RBMS3: variants seen among roughly 807,000 people sequenced by gnomAD.
The protein encoded by RBMS3 is RNA binding motif single stranded interacting protein 3.
A neutral mutation model predicts 66.8 loss-of-function variants in RBMS3; 27 were observed. The observed-to-expected ratio is 0.40, with a 90% CI of 0.30 to 0.56. The LOEUF is 0.56. Ranked by LOEUF, RBMS3 falls within the 20% of genes least tolerant of loss-of-function variation. RBMS3 has a pLI of 0.40. For synonymous variants in RBMS3, 188 were observed against 183.0 expected (o/e 1.03, Z -0.22); for missense variants, 513 against 549.5 (o/e 0.93, Z 0.66).
chr3:29,497,177 T>C (rs1177619873), intron 3 of RBMS3, among the ~76,000 whole-genome samples: 1 of 151,998 alleles, frequency 6.6e-6, no homozygotes, highest in Non-Finnish European at 1.5e-5. Flanking sequence ...GCCTGGCTAA[T>C]TTTTTGTATT....
intron 14 of RBMS3, among the ~76,000 whole-genome samples, chr3:30,003,270 T>TAAAC (rs1208377998): frequency 1.3e-5 from 2 of 152,024 alleles, no homozygotes; most frequent in African/African-American, 2.4e-5. Flanking sequence ...TTTTTCTAGT[T>TAAAC]AAACACCTAT....
intron 14 of RBMS3, among the ~76,000 whole-genome samples, chr3:30,002,659 T>TAAAA (rs1400822169): frequency 6.6e-6 from 1 of 152,074 alleles, no homozygotes; most frequent in African/African-American, 2.4e-5. Flanking sequence ...AACCTATTGA[T>TAAAA]AAAAATTGAA....
At chr3:29,709,320 C>T (rs2053052021) in intron 4 of RBMS3, among the ~76,000 whole-genome samples, 1 of 152,098 alleles carries the variant, frequency 6.6e-6, no homozygotes, top group African/African-American at 2.4e-5. Flanking sequence ...GTTAGCAATG[C>T]CAGCAACTTC....
chr3:29,561,734 AGCCACCATGCCTG>A (rs1450191894), intron 3 of RBMS3, among the ~76,000 whole-genome samples: 4 of 152,142 alleles, frequency 2.6e-5, no homozygotes, highest in Non-Finnish European at 5.9e-5. Flanking sequence ...TACAGGCATG[AGCCACCATGCCTG>A]GCCCTTGACT....
chr3:29,854,222 G>A (rs368933108), intron 6 of RBMS3, among the ~76,000 whole-genome samples: 25 of 152,254 alleles, frequency 1.6e-4, no homozygotes, highest in African/African-American at 5.8e-4. Context: ...CACTGAGGTC[G>A]GCCTCCACCC....
At chr3:29,967,875 C>T (rs965917832) in intron 12 of RBMS3, among the ~76,000 whole-genome samples, 5 of 152,218 alleles carry the variant, frequency 3.3e-5, no homozygotes, top group African/African-American at 1.2e-4. Flanking sequence ...GTTAATCTTA[C>T]TAATGTCCTG....
chr3:29,841,459 C>T (rs891606508), intron 6 of RBMS3, among the ~76,000 whole-genome samples: 10 of 151,918 alleles, frequency 6.6e-5, no homozygotes, highest in East Asian at 1.9e-4. Flanking sequence ...GTTCAGAATA[C>T]GATTTGTTTC....
chr3:29,974,416 G>A (rs1228853891), intron 12 of RBMS3, among the ~76,000 whole-genome samples: 1 of 151,614 alleles, frequency 6.6e-6, no homozygotes, highest in East Asian at 1.9e-4. Context: ...ATTATTTTTT[G>A]TTTTCTGTCA....
intron 8 of RBMS3, among the ~76,000 whole-genome samples, chr3:29,892,708 C>A (rs2060029982): frequency 6.6e-6 from 1 of 151,210 alleles, no homozygotes; most frequent in Admixed American, 6.6e-5. Context: ...GCATATATTA[C>A]CAAATACAAA....
intron 2 of RBMS3, among the ~76,000 whole-genome samples, chr3:29,454,960 G>C (rs550158060): frequency 2.0e-5 from 3 of 152,002 alleles, no homozygotes; most frequent in Non-Finnish European, 4.4e-5. Flanking sequence ...GCATTTCAAC[G>C]TCAAAATAGC....
intron 14 of RBMS3, among the ~76,000 whole-genome samples, chr3:30,002,983 A>C (rs1188261185): frequency 6.6e-6 from 1 of 152,022 alleles, no homozygotes; most frequent in Non-Finnish European, 1.5e-5. Context: ...TTACTAAATT[A>C]AGCAACTGTG....
At chr3:29,884,091 G>T (rs911437136) in intron 7 of RBMS3, 71 bp from the exon 8 acceptor site, 2 of 1,269,694 alleles carry the variant, frequency 1.6e-6, no homozygotes, top group African/African-American at 3.0e-5. Context: ...GTCTTTGTGT[G>T]TACTAAATGT....
intron 3 of RBMS3, among the ~76,000 whole-genome samples, chr3:29,545,040 C>T (rs757830595): frequency 2.6e-5 from 4 of 152,046 alleles, no homozygotes; most frequent in Non-Finnish European, 5.9e-5. Context: ...AAGATATTAT[C>T]TGTAAGGACA....
At chr3:29,945,789 G>A (rs979093349) in intron 12 of RBMS3, among the ~76,000 whole-genome samples, 1 of 151,668 alleles carries the variant, frequency 6.6e-6, no homozygotes, top group African/African-American at 2.4e-5. Context: ...CAGAAGATCT[G>A]GCTGACAATC....
At chr3:29,776,679 T>C (rs1393820675) in intron 6 of RBMS3, among the ~76,000 whole-genome samples, 1 of 152,010 alleles carries the variant, frequency 6.6e-6, no homozygotes, top group East Asian at 1.9e-4. Context: ...ATGAGAATTA[T>C]TTCATCAACA....
At chr3:29,652,198 G>C (rs1022081967) in intron 4 of RBMS3, among the ~76,000 whole-genome samples, 3 of 152,026 alleles carry the variant, frequency 2.0e-5, no homozygotes, top group Non-Finnish European at 4.4e-5. Flanking sequence ...AATGTACAGA[G>C]ATTAATGTGG....
intron 2 of RBMS3, among the ~76,000 whole-genome samples, chr3:29,476,262 G>C (rs1321410624): frequency 6.6e-6 from 1 of 152,162 alleles, no homozygotes; most frequent in East Asian, 1.9e-4. Flanking sequence ...TTAAAAGATT[G>C]TGCATGACCC....
chr3:29,434,826 C>A lies in RBMS3; in HGVS notation c.159C>A (p.Ser53Arg). 6.2e-7 allele frequency: 1 copy of A among 1,614,140 alleles called. No individual in the cohort carries two copies. ...GCAGCAACAACAGCAGCAACAACAG[C>A]AGCGGGGAACAGTTGAGTAAAACCA... ...NSSSNNSSNN[S>R]SGEQLSKTNL... The change falls in exon 2 of 15, where the codon AGC becomes AGA. Residue 53 changes from serine (S) to arginine (R), a missense_variant. Coordinates refer to ENST00000383767, the MANE Select transcript of RBMS3 (RefSeq NM_001003793.3).
At chr3:29,702,334 A>G (rs9811367) in intron 4 of RBMS3, among the ~76,000 whole-genome samples, 19,399 of 152,102 alleles carry the variant, frequency 0.13, 2,685 homozygotes, top group African/African-American at 0.35. Flanking sequence ...GATTGTAAAC[A>G]CACCAATCAG....
Sources: gnomAD v4.1 joint callset for allele counts (sites outside exome capture counted in the v4.1 genomes callset) on GRCh38, gnomAD v4.1.1 for gene constraint, MANE v1.5 for transcripts, NCBI Gene and HGNC (gene_info 2026-07-23, HGNC 2026-07-21) for gene names.